CMSS1: variants seen among roughly 807,000 people sequenced by gnomAD.
CMSS1 encodes the protein protein CMSS1.
CMSS1 carries 33 observed loss-of-function variants against 43.5 expected under a neutral mutation model. The ratio of observed to expected loss-of-function variants is 0.76; its 90% confidence interval spans 0.57 to 1.01. The LOEUF (loss-of-function observed/expected upper bound fraction) is 1.01. Ranked by LOEUF, CMSS1 falls within the 50% of genes least tolerant of loss-of-function variation. The pLI is 0.00. For missense variants in CMSS1, 313 were observed against 326.4 expected, an observed-to-expected ratio of 0.96 and a Z score of 0.32; for synonymous variants, 115 against 117.2, an observed-to-expected ratio of 0.98 and a Z score of 0.12.
intron 1 of CMSS1, among the ~76,000 whole-genome samples, chr3:99,880,770 A>G (rs1208972460): frequency 1.3e-5 from 2 of 152,166 alleles, no homozygotes; most frequent in Non-Finnish European, 2.9e-5. Flanking sequence ...ATGTAGTCCT[A>G]CCACATGAAT....
intron 1 of CMSS1, among the ~76,000 whole-genome samples, chr3:100,004,558 T>C (rs1709934781): frequency 6.6e-6 from 1 of 152,122 alleles, no homozygotes. Flanking sequence ...ATAGTTGTAG[T>C]CAATTATAAG....
intron 1 of CMSS1, among the ~76,000 whole-genome samples, chr3:99,827,212 G>C (rs565082074): frequency 1.3e-5 from 2 of 152,070 alleles, no homozygotes; most frequent in African/African-American, 4.8e-5. Context: ...ATTATTTTGA[G>C]ACAGAGTCTC....
At chr3:99,874,225 T>A (rs1204254714) in intron 1 of CMSS1, 2 of 152,234 alleles carry the variant, frequency 1.3e-5, no homozygotes, top group African/African-American at 4.8e-5. Flanking sequence ...AGAATTTTGA[T>A]GGAAGTTATG....
intron 1 of CMSS1, among the ~76,000 whole-genome samples, chr3:99,861,378 G>A (rs188380327): frequency 5.9e-5 from 9 of 152,192 alleles, no homozygotes; most frequent in Non-Finnish European, 1.0e-4. Context: ...AGCATGTGAT[G>A]CCTTGTATTA....
intron 1 of CMSS1, among the ~76,000 whole-genome samples, chr3:100,050,840 T>G (rs1321626094): frequency 6.6e-6 from 1 of 152,152 alleles, no homozygotes; most frequent in Non-Finnish European, 1.5e-5. Context: ...TCCCCCAGGT[T>G]TTGTTAAATT....
At chr3:99,823,700 A>G (rs959120572) in intron 1 of CMSS1, among the ~76,000 whole-genome samples, 3 of 152,022 alleles carry the variant, frequency 2.0e-5, no homozygotes, top group Non-Finnish European at 2.9e-5. Context: ...AAATCTTCCA[A>G]TAGCTTTTTC....
chr3:99,982,290 G>GA (rs1559712847), intron 1 of CMSS1, among the ~76,000 whole-genome samples: 1 of 151,778 alleles, frequency 6.6e-6, no homozygotes, highest in Admixed American at 6.6e-5. Context: ...TTAATCTGGG[G>GA]CTGTGTATTT....
chr3:99,974,261 C>T (rs1020504861), intron 1 of CMSS1, among the ~76,000 whole-genome samples: 3 of 152,048 alleles, frequency 2.0e-5, no homozygotes, highest in Admixed American at 6.6e-5. Context: ...ATATACAGTT[C>T]GTGCTTTCAA....
intron 1 of CMSS1, among the ~76,000 whole-genome samples, chr3:100,048,244 A>C (rs2065309737): frequency 6.6e-6 from 1 of 152,212 alleles, no homozygotes; most frequent in Non-Finnish European, 1.5e-5. Context: ...TTACTAGGAA[A>C]ACTAGCAATA....
chr3:100,112,025 C>T lies in CMSS1; in HGVS notation c.65-34948C>T, dbSNP rs1476930481. 3.3e-5 allele frequency among the ~76,000 whole-genome samples: 5 copies of T among 152,088 alleles called. No homozygotes were observed. The South Asian group carries it at 6.2e-4, about 19-fold the overall frequency. ...ACTGTTATAATCCCAATAACCAGCACGGGGCCTGGCACAGAGTAGGCATTC... is the reference window on the plus strand; with the variant it reads ...ACTGTTATAATCCCAATAACCAGCATGGGGCCTGGCACAGAGTAGGCATTC... On this transcript the variant is annotated intron_variant, in intron 1 of 9. Transcript: ENST00000421999.
chr3:100,115,358 A>G (rs1182620802), intron 1 of CMSS1, among the ~76,000 whole-genome samples: 12 of 152,212 alleles, frequency 7.9e-5, no homozygotes, highest in Admixed American at 6.5e-4. Flanking sequence ...CTCACAGATG[A>G]TAGATATAAG....
chr3:100,088,438 G>A (rs944706000), intron 1 of CMSS1, among the ~76,000 whole-genome samples: 12 of 152,154 alleles, frequency 7.9e-5, no homozygotes, highest in African/African-American at 2.9e-4. Flanking sequence ...CTAATATATG[G>A]ATAACTAAAT....
intron 1 of CMSS1, among the ~76,000 whole-genome samples, chr3:100,073,825 C>G (rs936214007): frequency 1.3e-5 from 2 of 152,116 alleles, no homozygotes; most frequent in African/African-American, 4.8e-5. Context: ...AAGAATCTTT[C>G]CACTCACTCT....
At chr3:99,986,489 A>T (rs1709345600) in intron 1 of CMSS1, among the ~76,000 whole-genome samples, 1 of 152,208 alleles carries the variant, frequency 6.6e-6, no homozygotes, top group South Asian at 2.1e-4. Flanking sequence ...CTGAAAGTTG[A>T]TAGTGAAAGA....
chr3:100,005,745 A>G (rs1033200195), intron 1 of CMSS1, among the ~76,000 whole-genome samples: 19 of 152,224 alleles, frequency 1.2e-4, no homozygotes, highest in Non-Finnish European at 2.5e-4. Context: ...ACACTTGGTT[A>G]TGAGGAAGAG....
At chr3:100,164,328 G>A (rs1391079076) in intron 4 of CMSS1, among the ~76,000 whole-genome samples, 6 of 152,198 alleles carry the variant, frequency 3.9e-5, no homozygotes, top group African/African-American at 9.6e-5. Flanking sequence ...AAGGATTTGT[G>A]AGCAGTGGGA....
At chr3:99,930,883 T>G (rs1473237765) in intron 1 of CMSS1, 2 of 1,613,370 alleles carry the variant, frequency 1.2e-6, no homozygotes, top group Non-Finnish European at 1.7e-6. Context: ...ACGGAAGTAT[T>G]ACATCCGACT....
At chr3:100,144,478 C>T (rs2066831136) in intron 1 of CMSS1, among the ~76,000 whole-genome samples, 1 of 152,068 alleles carries the variant, frequency 6.6e-6, no homozygotes. Context: ...TGGATGAGGG[C>T]TCATTACCAC....
At chr3:99,991,300 GCAC>G (rs1049870263) in intron 1 of CMSS1, among the ~76,000 whole-genome samples, 1 of 152,128 alleles carries the variant, frequency 6.6e-6, no homozygotes, top group Non-Finnish European at 1.5e-5. Context: ...ACCTGCAGGG[GCAC>G]ACACCCTTCC....
Sources: gnomAD v4.1 joint callset for allele counts (sites outside exome capture counted in the v4.1 genomes callset) on GRCh38, gnomAD v4.1.1 for gene constraint, MANE v1.5 for transcripts, NCBI Gene and HGNC (gene_info 2026-07-23, HGNC 2026-07-21) for gene names.